The following COLEC10 variants were observed in gnomAD, a reference collection of about 807,000 sequenced individuals.
The protein encoded by COLEC10 is collectin subfamily member 10.
COLEC10 carries 22 observed loss-of-function variants against 28.4 expected under a neutral mutation model. That is an observed-to-expected ratio of 0.78 (90% CI 0.55 to 1.11). COLEC10 has a LOEUF of 1.11. COLEC10 is among the 50% of genes least tolerant of loss of function. COLEC10 has a pLI of 0.00. For missense variants in COLEC10, 361 were observed against 344.1 expected, an observed-to-expected ratio of 1.05 and a Z score of -0.39; for synonymous variants, 125 against 116.1, an observed-to-expected ratio of 1.08 and a Z score of -0.49.
At position 119,103,858 on chromosome 8, in the gene COLEC10, T is replaced by G; in HGVS notation, c.405T>G (p.Ile135Met). Residue 135 changes from isoleucine to methionine, a missense_variant, in exon 5 of 6, where the codon ATT becomes ATG. Physicochemically the swap from Ile to Met is conservative, Grantham distance 10 (BLOSUM62 1). Transcript: ENST00000332843. ...TTGTTGGACAACTGGATATTAGTATTGCTCGGCTCAAGACATCTATGAAGT... is the reference window on the plus strand; with the variant it reads ...TTGTTGGACAACTGGATATTAGTATGGCTCGGCTCAAGACATCTATGAAGT... Reference protein sequence around the residue: ...RKFVGQLDISIARLKTSMKFV... With the variant: ...RKFVGQLDISMARLKTSMKFV... The G allele has an allele frequency of 4.3e-6, 7 of 1,612,750 alleles. No individual in the cohort carries two copies. The highest frequency in any genetic ancestry group is 5.9e-6 in the Non-Finnish European group (7 of 1,178,982).
chr8:118,981,442 T>C, the COLEC10 span, among the ~76,000 whole-genome samples: 1 of 152,134 alleles, frequency 6.6e-6, no homozygotes, highest in Non-Finnish European at 1.5e-5. Context: ...CTTTTAGGAA[T>C]ACTATACACA....
At chr8:119,001,478 G>C (rs988277828) in intron 1 of COLEC10, among the ~76,000 whole-genome samples, 4 of 152,102 alleles carry the variant, frequency 2.6e-5, no homozygotes, top group Non-Finnish European at 5.9e-5. Flanking sequence ...ATGGGGAGGG[G>C]AGCCAGTAGT....
chr8:118,969,022 T>C, the COLEC10 span, among the ~76,000 whole-genome samples: 1 of 152,048 alleles, frequency 6.6e-6, no homozygotes, highest in African/African-American at 2.4e-5. Context: ...TTAAGGATCT[T>C]GAGTTAGAGG....
intron 1 of COLEC10, among the ~76,000 whole-genome samples, chr8:119,004,029 C>G (rs1460494294): frequency 6.6e-6 from 1 of 151,988 alleles, no homozygotes; most frequent in Non-Finnish European, 1.5e-5. Context: ...ACTGGGAAAA[C>G]CAGGACATAT....
intron 3 of COLEC10, among the ~76,000 whole-genome samples, chr8:119,096,891 G>C (rs543280224): frequency 2.6e-5 from 4 of 152,030 alleles, no homozygotes; most frequent in African/African-American, 9.6e-5. Flanking sequence ...GTGTTGGTAA[G>C]GATGCAGAAC....
chr8:119,084,406 A>T (rs1156420495), intron 1 of COLEC10, among the ~76,000 whole-genome samples: 1 of 152,138 alleles, frequency 6.6e-6, no homozygotes, highest in Non-Finnish European at 1.5e-5. Context: ...TCTTCTTCCA[A>T]CCACTCTGTC....
At chr8:119,016,690 T>C (rs1813997069) in intron 2 of COLEC10, among the ~76,000 whole-genome samples, 1 of 152,032 alleles carries the variant, frequency 6.6e-6, no homozygotes, top group South Asian at 2.1e-4. Flanking sequence ...CATCTGTTGT[T>C]TCCTGATTTT....
At chr8:118,997,081 T>C (rs1164001187) in intron 1 of COLEC10, among the ~76,000 whole-genome samples, 1 of 152,198 alleles carries the variant, frequency 6.6e-6, no homozygotes, top group South Asian at 2.1e-4. Context: ...CCAAACCATA[T>C]CACCTTCTTT....
At chr8:119,087,820 C>T (rs11993915) in intron 1 of COLEC10, among the ~76,000 whole-genome samples, 20,627 of 151,988 alleles carry the variant, frequency 0.14, 1,802 homozygotes, top group African/African-American at 0.25. Context: ...TTGTGGAATC[C>T]TCATTTGACT....
At chr8:119,028,009 G>T (rs549478433) in intron 2 of COLEC10, among the ~76,000 whole-genome samples, 2 of 152,262 alleles carry the variant, frequency 1.3e-5, no homozygotes, top group Admixed American at 1.3e-4. Flanking sequence ...AAGGATCTGT[G>T]TCAAGGATCT....
chr8:119,054,508 G>A (rs1012428774), intron 2 of COLEC10, among the ~76,000 whole-genome samples: 7 of 152,180 alleles, frequency 4.6e-5, no homozygotes, highest in Admixed American at 1.3e-4. Context: ...CAGAGATGCC[G>A]TGGGGCTGGG....
the COLEC10 span, among the ~76,000 whole-genome samples, chr8:118,972,865 G>A: frequency 1.3e-3 from 193 of 152,102 alleles, no homozygotes; most frequent in Admixed American, 2.2e-3. Context: ...CATGGCTAGA[G>A]AGGCCTCAAG....
In COLEC10 at chr8:119,106,131, T is replaced by C; in HGVS notation, c.774T>C (p.Asn258=). ...CVEMLSSGRW[N]DTECHLTMYF... ...AGATGCTGAGCTCTGGCAGATGGAATGACACAGAGTGCCATCTTACCATGT... is the reference window on the plus strand; with the variant it reads ...AGATGCTGAGCTCTGGCAGATGGAACGACACAGAGTGCCATCTTACCATGT... The change falls in exon 6 of 6, where the codon AAT becomes AAC. Residue 258 remains asparagine (N), a synonymous_variant. Transcript: ENST00000332843. The C allele has an allele frequency of 3.7e-6, 6 of 1,613,600 alleles. No individual in the cohort carries two copies. Among genetic ancestry groups the C allele is most frequent in the Non-Finnish European group, 5.1e-6 (6 of 1,179,622 alleles).
chr8:119,013,221 C>A (rs1334785080), intron 2 of COLEC10, among the ~76,000 whole-genome samples: 1 of 149,954 alleles, frequency 6.7e-6, no homozygotes, highest in Non-Finnish European at 1.5e-5. Flanking sequence ...CTTCTTTGAC[C>A]CATATGTTAT....
At chr8:119,013,919 A>G (rs1168561440) in intron 2 of COLEC10, among the ~76,000 whole-genome samples, 1 of 150,838 alleles carries the variant, frequency 6.6e-6, no homozygotes, top group African/African-American at 2.5e-5. Flanking sequence ...TAAAGCAATA[A>G]TGTATTGTTT....
intron 1 of COLEC10, among the ~76,000 whole-genome samples, chr8:119,079,022 CA>C (rs2130252404): frequency 6.7e-6 from 1 of 149,926 alleles, no homozygotes; most frequent in Admixed American, 6.6e-5. Context: ...CACACACACA[CA>C]CACACACACA....
intron 1 of COLEC10, among the ~76,000 whole-genome samples, chr8:118,996,206 G>A (rs1425447297): frequency 6.6e-6 from 1 of 152,206 alleles, no homozygotes; most frequent in Non-Finnish European, 1.5e-5. Flanking sequence ...ACACATGATA[G>A]TTTCCTTTGG....
chr8:119,064,786 T>C (rs1017470876), upstream of COLEC10, among the ~76,000 whole-genome samples: 1 of 152,124 alleles, frequency 6.6e-6, no homozygotes, highest in Non-Finnish European at 1.5e-5. Context: ...TTTTGGGAAA[T>C]AATTTGTATT....
At chr8:119,061,292 A>G (rs1463755815) in intron 2 of COLEC10, among the ~76,000 whole-genome samples, 2 of 152,080 alleles carry the variant, frequency 1.3e-5, no homozygotes, top group African/African-American at 4.8e-5. Context: ...AGGTGGAGGT[A>G]TGGAAATTAT....
Sources: allele counts gnomAD v4.1 joint callset (sites outside exome capture counted in the v4.1 genomes callset), GRCh38; gene constraint gnomAD v4.1.1; transcripts MANE v1.5; gene names NCBI Gene and HGNC (gene_info 2026-07-23, HGNC 2026-07-21).